Variants in NFIL3 observed in about 807,000 individuals in gnomAD.
NFIL3 encodes nuclear factor interleukin-3-regulated protein.
Under a neutral mutation model 10.0 loss-of-function variants are expected in NFIL3, and 5 were observed. That is an observed-to-expected ratio of 0.50 (90% CI 0.26 to 1.06). The LOEUF (loss-of-function observed/expected upper bound fraction) is 1.06, where lower values mean the gene tolerates loss of function less well. Ranked by LOEUF, NFIL3 falls within the 50% of genes least tolerant of loss-of-function variation. The pLI, the probability that NFIL3 is intolerant of heterozygous loss-of-function variation, is 0.13. For synonymous variants in NFIL3, 202 were observed against 206.5 expected (o/e 0.98, Z 0.19); for missense variants, 436 against 547.6 (o/e 0.80, Z 2.03).
At chr9:91,427,265 A>C (rs145764184), upstream of NFIL3, 62 of 152,302 alleles carry the variant, frequency 4.1e-4, no homozygotes, top group African/African-American at 1.3e-3. Flanking sequence ...TTACCTACCC[A>C]GAGGCTGGAC....
the NFIL3 span, among the ~76,000 whole-genome samples, chr9:91,452,826 C>T: frequency 6.6e-6 from 1 of 150,622 alleles, no homozygotes; most frequent in East Asian, 1.9e-4. Flanking sequence ...GTACCTCAAC[C>T]ACCTTGGGCA....
At chr9:91,471,342 T>C in the NFIL3 span, among the ~76,000 whole-genome samples, 2 of 148,282 alleles carry the variant, frequency 1.3e-5, no homozygotes, top group African/African-American at 2.5e-5. Context: ...AACCCCTGCT[T>C]TTTTTTTTTG....
the NFIL3 span, among the ~76,000 whole-genome samples, chr9:91,469,980 G>T: frequency 1.3e-5 from 2 of 152,182 alleles, no homozygotes; most frequent in African/African-American, 4.8e-5. Context: ...AGGGATATTG[G>T]TGTAAAATTC....
the NFIL3 span, among the ~76,000 whole-genome samples, chr9:91,439,479 C>T: frequency 6.8e-6 from 1 of 147,848 alleles, no homozygotes; most frequent in Admixed American, 6.7e-5. Flanking sequence ...CTTTTTCTTT[C>T]CTTTCTAATT....
Position 91,409,197 on chromosome 9 carries a change from C to G in NFIL3, c.*149G>C, listed in dbSNP as rs574435630. On this transcript the variant is annotated 3_prime_UTR_variant, in exon 2 of 2. Transcript: ENST00000297689. ...AACACAATCTAATCTTCATCATAAT[C>G]TGTGCACAAAAAGACACCAAACAGA... 23 of 694,788 alleles carry G rather than the reference C, an allele frequency of 3.3e-5. No homozygotes were observed. The African/African-American group carries it at 3.6e-4, about 11-fold the overall frequency. 43.0% of individuals were successfully genotyped at this position (694,788 alleles called of 1,614,324 possible). A position where few individuals can be genotyped will look rare whatever the true frequency, so the allele number is the denominator to read the frequency against.
the NFIL3 span, among the ~76,000 whole-genome samples, chr9:91,439,815 T>C: frequency 6.6e-6 from 1 of 152,210 alleles, no homozygotes; most frequent in African/African-American, 2.4e-5. Context: ...TATATTATAT[T>C]GATTGATTTG....
intron 1 of NFIL3, among the ~76,000 whole-genome samples, chr9:91,416,027 T>C (rs1343826189): frequency 6.6e-6 from 1 of 152,236 alleles, no homozygotes; most frequent in East Asian, 1.9e-4. Flanking sequence ...CTGGCACTAT[T>C]TATGAATTGA....
the NFIL3 span, among the ~76,000 whole-genome samples, chr9:91,473,167 G>C: frequency 6.6e-6 from 1 of 152,166 alleles, no homozygotes; most frequent in Admixed American, 6.5e-5. Context: ...CGGGGGTCAG[G>C]CTACTTGAGG....
the NFIL3 span, among the ~76,000 whole-genome samples, chr9:91,463,602 T>C: frequency 1.3e-5 from 2 of 152,056 alleles, no homozygotes; most frequent in Non-Finnish European, 2.9e-5. Flanking sequence ...TTGGTGAATG[T>C]TCCATGTGAG....
At chr9:91,429,284 C>T in the NFIL3 span, among the ~76,000 whole-genome samples, 2 of 152,188 alleles carry the variant, frequency 1.3e-5, no homozygotes, top group African/African-American at 2.4e-5. Context: ...ATCATTTCAC[C>T]TCTCTGAATG....
Position 91,410,081 on chromosome 9 carries a change from G to A in NFIL3, c.654C>T (p.Ile218=), listed in dbSNP as rs774003091. 6.2e-6 allele frequency: 10 copies of A among 1,613,452 alleles called. No homozygotes were observed. The highest frequency in any genetic ancestry group is 1.6e-4 in the Middle Eastern group (1 of 6,084). Residue 218 remains isoleucine (I), a synonymous_variant, in exon 2 of 2, where the codon ATC becomes ATT. Transcript: ENST00000297689. This position sits in a 1 kb window ranked among gnomAD's most constrained non-coding sequence, Gnocchi z 5.7. ...CRSPENKFQI[I]KQEPMELESY... The stretch of plus-strand genomic sequence containing the variant: ...TCTCTAATTCCATCGGCTCTTGCTT[G>A]ATAATCTGGAACTTGTTTTCAGGAC...
chr9:91,481,592 C>G, the NFIL3 span, among the ~76,000 whole-genome samples: 2 of 152,060 alleles, frequency 1.3e-5, no homozygotes, highest in Non-Finnish European at 2.9e-5. Context: ...GTAATTGATA[C>G]TTTCTTGTAT....
At chr9:91,424,609 A>G (rs933172582), upstream of NFIL3, among the ~76,000 whole-genome samples, 2 of 152,002 alleles carry the variant, frequency 1.3e-5, no homozygotes, top group Non-Finnish European at 2.9e-5. Flanking sequence ...ACGCACAAAC[A>G]CCGCCCCCTG....
At chr9:91,430,155 T>C in the NFIL3 span, among the ~76,000 whole-genome samples, 2 of 152,174 alleles carry the variant, frequency 1.3e-5, no homozygotes, top group African/African-American at 2.4e-5. Context: ...TGCGTATGTG[T>C]GTGCGTGTCC....
At chr9:91,434,584 G>A in the NFIL3 span, among the ~76,000 whole-genome samples, 1 of 152,192 alleles carries the variant, frequency 6.6e-6, no homozygotes, top group African/African-American at 2.4e-5. Flanking sequence ...TAACCGTGAA[G>A]CAGCTTTTGT....
the NFIL3 span, among the ~76,000 whole-genome samples, chr9:91,471,335 C>A: frequency 6.6e-6 from 1 of 150,896 alleles, no homozygotes; most frequent in Non-Finnish European, 1.5e-5. Context: ...GGATTGCAAC[C>A]CCTGCTTTTT....
At chr9:91,460,828 C>T in the NFIL3 span, among the ~76,000 whole-genome samples, 11 of 152,148 alleles carry the variant, frequency 7.2e-5, no homozygotes, top group African/African-American at 2.7e-4. Flanking sequence ...GTGCATTGGG[C>T]ACCCTCTGAA....
rs529167444 is a variant in NFIL3, at chr9:91,418,009, A to AT, written c.-173+5630dup. ...TTAATAAATACGATGACAACATTGCATTTTATTACATCACTGATGTAATTT... is the reference window on the plus strand; with the variant it reads ...TTAATAAATACGATGACAACATTGCATTTTTATTACATCACTGATGTAATTT... On this transcript the variant is annotated intron_variant, in intron 1 of 1. Transcript: ENST00000297689. Among the ~76,000 whole-genome samples, 128 of 152,320 alleles carry AT rather than the reference A, an allele frequency of 8.4e-4. 1 individual carries two copies. The highest frequency in any genetic ancestry group is 2.9e-3 in the African/African-American group (121 of 41,576).
intron 1 of NFIL3, among the ~76,000 whole-genome samples, chr9:91,411,652 G>A (rs1389957920): frequency 1.3e-5 from 2 of 152,116 alleles, no homozygotes; most frequent in Non-Finnish European, 1.5e-5. Context: ...CTCTTTACAA[G>A]CATCTGAGTT....
Sources: gnomAD v4.1 joint callset for allele counts (sites outside exome capture counted in the v4.1 genomes callset) on GRCh38, gnomAD v4.1.1 for gene constraint, Gnocchi (gnomAD v3.1) non-coding constraint, MANE v1.5 for transcripts, NCBI Gene and HGNC (gene_info 2026-07-23, HGNC 2026-07-21) for gene names.